AKR1C3: variants seen among roughly 807,000 people sequenced by gnomAD.
AKR1C3 encodes the protein aldo-keto reductase family 1 member C3, also known as 3-alpha hydroxysteroid dehydrogenase, type II.
In AKR1C3, 48 loss-of-function variants were observed where a neutral mutation model predicts 43.6. The ratio of observed to expected loss-of-function variants is 1.10; its 90% confidence interval spans 0.87 to 1.40. AKR1C3 has a LOEUF of 1.40. AKR1C3 is among the 40% of genes most tolerant of loss of function. The pLI, the probability that AKR1C3 is intolerant of heterozygous loss-of-function variation, is 0.00. For missense variants in AKR1C3, 482 were observed against 391.2 expected (o/e 1.23, Z -1.96); for synonymous variants, 162 against 139.6 (o/e 1.16, Z -1.13).
At chr10:5,096,352 C>A in intron 1 of AKR1C3, 58 bp from the exon 2 acceptor site, 1 of 1,561,208 alleles carries the variant, frequency 6.4e-7, no homozygotes, top group East Asian at 2.3e-5. Flanking sequence ...AATGCTTGTG[C>A]CTGAACTACC....
intron 1 of AKR1C3, among the ~76,000 whole-genome samples, chr10:5,071,871 T>C (rs373227975): frequency 6.6e-6 from 1 of 152,326 alleles, no homozygotes; most frequent in South Asian, 2.1e-4. Context: ...CAGTCTCTGC[T>C]CAGCCTTTCC....
chr10:5,060,610 G>A (rs1838363256), intron 1 of AKR1C3, among the ~76,000 whole-genome samples: 1 of 152,092 alleles, frequency 6.6e-6, no homozygotes, highest in Admixed American at 6.6e-5. Flanking sequence ...AGACTCAGGA[G>A]CCCAGCTGGC....
rs781863408 is a variant in AKR1C3 at position 5,105,952 on chromosome 10, C to T, written c.929+275C>T. On this transcript the variant is annotated intron_variant, in intron 8 of 8. Transcript: ENST00000380554. ...GCCAAGTCTGCACGTTCCATATAGG[C>T]CTGGTGTTTCTACCACTGGACATGC... Among the ~76,000 whole-genome samples the T allele has an allele frequency of 3.3e-5, 5 of 152,300 alleles. No homozygotes were observed. The East Asian group carries it at 7.7e-4, about 24-fold the overall frequency.
intron 1 of AKR1C3, among the ~76,000 whole-genome samples, chr10:5,068,167 CAT>C (rs374486559): frequency 0.019 from 2,953 of 152,048 alleles, 101 homozygotes; most frequent in African/African-American, 0.068. Flanking sequence ...TTTATAGTAA[CAT>C]AATAATCATA....
At chr10:5,072,602 A>ATTTCTT (rs1838634787) in intron 1 of AKR1C3, among the ~76,000 whole-genome samples, 3 of 152,242 alleles carry the variant, frequency 2.0e-5, no homozygotes, top group Non-Finnish European at 2.9e-5. Flanking sequence ...ATATCAAGAA[A>ATTTCTT]GATAACTTCC....
intron 3 of AKR1C3, 122 bp from the exon 4 acceptor site, chr10:5,098,680 C>T (rs540466653): frequency 1.0e-5 from 8 of 762,372 alleles, no homozygotes; most frequent in South Asian, 1.6e-5. Context: ...GCACATATCA[C>T]TTTCTGGAGC....
At position 5,098,896 on chromosome 10, in the gene AKR1C3, G is replaced by A; in HGVS notation, c.447+17G>A. On this transcript the variant is annotated intron_variant, in intron 4 of 8. Coordinates refer to ENST00000380554, the MANE Select transcript of AKR1C3 (RefSeq NM_003739.6). ...ACCTGGGAGGTGAGTGCTTGGCGGAGAGGACACAGAGAAGGATGACAAAAA... is the reference window on the plus strand; with the variant it reads ...ACCTGGGAGGTGAGTGCTTGGCGGAAAGGACACAGAGAAGGATGACAAAAA... The A allele has an allele frequency of 6.3e-7, 1 of 1,587,520 alleles. No homozygotes were observed. The highest frequency in any genetic ancestry group is 8.6e-7 in the Non-Finnish European group (1 of 1,162,560).
Position 5,107,627 on chromosome 10 carries a change from G to A in AKR1C3, c.*124G>A, listed in dbSNP as rs1554787565. ...AAATCCGTCCTGTTTAGCGACTTCA[G>A]TCAACTACAGCTGAGTCCATAGGCC... On this transcript the variant is annotated 3_prime_UTR_variant, in exon 9 of 9. Transcript: ENST00000380554. 3 of 682,078 alleles carry A rather than the reference G, an allele frequency of 4.4e-6. No individual in the cohort carries two copies. The East Asian group carries it at 8.3e-5, about 19-fold the overall frequency. The allele number at this position is 682,078 out of a possible 1,614,324, so 42.3% of individuals were successfully genotyped here. A position where few individuals can be genotyped will look rare whatever the true frequency, so the allele number is the denominator to read the frequency against.
chr10:5,103,213 G>A (rs587647024), intron 7 of AKR1C3, among the ~76,000 whole-genome samples: 1 of 152,252 alleles, frequency 6.6e-6, no homozygotes, highest in East Asian at 1.9e-4. Context: ...GAAATGTGGA[G>A]TAGCATTAGG....
intron 2 of AKR1C3, among the ~76,000 whole-genome samples, 191 bp downstream of exon 2, chr10:5,096,768 C>T (rs1554785203): frequency 6.6e-6 from 1 of 152,020 alleles, no homozygotes; most frequent in African/African-American, 2.4e-5. Flanking sequence ...GGCTGTGTTC[C>T]AATTTATGAC....
At chr10:5,106,764 A>AT (rs61368631) in intron 8 of AKR1C3, among the ~76,000 whole-genome samples, 1 of 151,990 alleles carries the variant, frequency 6.6e-6, no homozygotes, top group South Asian at 2.1e-4. Context: ...AAAAAAAAAA[A>AT]GCAGGAAGTT....
chr10:5,062,807 TCCAG>T (rs1838407079), intron 1 of AKR1C3, among the ~76,000 whole-genome samples: 1 of 150,810 alleles, frequency 6.6e-6, no homozygotes, highest in Non-Finnish European at 1.5e-5. Context: ...ACAGGCTTAT[TCCAG>T]CCAGTTCATT....
rs1564373189 is a variant in AKR1C3 at position 5,105,682 on chromosome 10, G to C, written c.929+5G>C. 1 of 1,607,590 alleles carries C rather than the reference G, an allele frequency of 6.2e-7. No homozygotes were observed. The highest frequency in any genetic ancestry group is 1.1e-5 in the South Asian group (1 of 90,634). On this transcript the variant is annotated splice_donor_5th_base_variant and intron_variant, in intron 8 of 8. Transcript: ENST00000380554. The stretch of plus-strand genomic sequence containing the variant: ...CCACTATTTTAACAGTGATAGGTAA[G>C]TTTCCTTTGTAAATGGGTGATCTAA...
chr10:5,102,818 C>A (rs1362094582), intron 7 of AKR1C3, among the ~76,000 whole-genome samples, 168 bp downstream of exon 7: 13 of 152,176 alleles, frequency 8.5e-5, no homozygotes, highest in African/African-American at 3.1e-4. Context: ...ACGGGAGAGG[C>A]AGCACAGGTG....
intron 1 of AKR1C3, among the ~76,000 whole-genome samples, chr10:5,079,949 T>TG (rs1181180275): frequency 1.3e-5 from 2 of 152,372 alleles, no homozygotes; most frequent in Admixed American, 1.3e-4. Flanking sequence ...CAGGGGTATC[T>TG]GCATGGTATG....
chr10:5,049,363 T>G (rs1297919013), intron 1 of AKR1C3, among the ~76,000 whole-genome samples: 1 of 152,196 alleles, frequency 6.6e-6, no homozygotes, highest in South Asian at 2.1e-4. Flanking sequence ...TGTTCTGATA[T>G]GCGGCCTTGA....
At chr10:5,092,655 A>G (rs1467911402), upstream of AKR1C3, among the ~76,000 whole-genome samples, 1 of 152,014 alleles carries the variant, frequency 6.6e-6, no homozygotes, top group African/African-American at 2.4e-5. Flanking sequence ...TAATTTCTAC[A>G]TCATTGTTGA....
At position 5,051,631 on chromosome 10, in the gene AKR1C3, CTT is replaced by C. The variant is rs552358480; in HGVS notation, c.84+2737_84+2738del. On this transcript the variant is annotated intron_variant, in intron 1 of 8. Coordinates refer to the AKR1C3 transcript ENST00000439082. ...ACGCATTATTCTTTCTTTCTTCAGTCTTGCTGGACACCCTGATTATCCATTTT... is the reference window on the plus strand; with the variant it reads ...ACGCATTATTCTTTCTTTCTTCAGTCGCTGGACACCCTGATTATCCATTTT... Among the ~76,000 whole-genome samples, 298 of 152,280 alleles carry C rather than the reference CTT, an allele frequency of 2.0e-3. 2 individuals carry two copies. Among genetic ancestry groups the C allele is most frequent in the African/African-American group, 6.3e-3 (263 of 41,558 alleles).
At position 5,096,587 on chromosome 10, in the gene AKR1C3, CTA is replaced by C. The variant is rs1554785179; in HGVS notation, c.252+12_252+13del. ...ATTCTACACTTCAAAGGTACTGTGTCTATGATGAGCTTGTGTGCACATGTATT... is the reference window on the plus strand; with the variant it reads ...ATTCTACACTTCAAAGGTACTGTGTCTGATGAGCTTGTGTGCACATGTATT... On this transcript the variant is annotated intron_variant, in intron 2 of 8. Coordinates refer to ENST00000380554, the MANE Select transcript of AKR1C3 (RefSeq NM_003739.6). 36 of 1,610,818 alleles carry C rather than the reference CTA, an allele frequency of 2.2e-5. No individual in the cohort carries two copies. The highest frequency in any genetic ancestry group is 3.1e-5 in the Non-Finnish European group (36 of 1,178,188).
Sources: allele counts gnomAD v4.1 joint callset (sites outside exome capture counted in the v4.1 genomes callset), GRCh38; gene constraint gnomAD v4.1.1; transcripts MANE v1.5; gene names NCBI Gene and HGNC (gene_info 2026-07-23, HGNC 2026-07-21).